Variants in CFAP52 observed in about 807,000 individuals in gnomAD.
CFAP52 encodes the protein cilia and flagella associated protein 52.
CFAP52 carries 57 observed loss-of-function variants against 70.5 expected under a neutral mutation model. The observed-to-expected ratio is 0.81, with a 90% CI of 0.65 to 1.01. The LOEUF (loss-of-function observed/expected upper bound fraction) is 1.01, where lower values mean the gene tolerates loss of function less well. CFAP52 is among the 50% of genes least tolerant of loss of function. The probability of loss-of-function intolerance (pLI) is 0.00; values close to 1 mark genes in which losing one functional copy is unlikely to be tolerated. For synonymous variants in CFAP52, 267 were observed against 292.5 expected, an observed-to-expected ratio of 0.91 and a Z score of 0.89; for missense variants, 785 against 788.5, an observed-to-expected ratio of 1.00 and a Z score of 0.05.
chr17:9,630,452 C>T lies in CFAP52; in HGVS notation c.1174+1632C>T, dbSNP rs1373083801. On this transcript the variant is annotated intron_variant, in intron 9 of 13. Coordinates refer to ENST00000352665, the MANE Select transcript of CFAP52 (RefSeq NM_145054.5). ...TTTTTTTTTTTTTTTTTTTAAGAGA[C>T]GGAGTCTTTTTCTGTCTCCCAGGCT... Among the ~76,000 whole-genome samples, 25 of 140,172 alleles carry T rather than the reference C, an allele frequency of 1.8e-4. 1 individual carries two copies. Among genetic ancestry groups the T allele is most frequent in the African/African-American group, 5.8e-4 (21 of 36,028 alleles). The allele number at this position is 140,172 out of a possible 152,430, so 92.0% of individuals were successfully genotyped here.
At position 9,581,769 on chromosome 17, in the gene CFAP52, A is replaced by C. The variant is rs1323309900; in HGVS notation, c.71-4004A>C. 7.2e-5 allele frequency among the ~76,000 whole-genome samples: 11 copies of C among 152,258 alleles called. No individual in the cohort carries two copies. In the East Asian group the frequency reaches 2.1e-3, roughly 29 times the overall value. ...GCTTTAGTGAGAGCCTAAAAGAGGC[A>C]CATATTTTCTCTCCTAATTCCTTGG... is the stretch of plus-strand genomic sequence containing the variant. On this transcript the variant is annotated intron_variant, in intron 1 of 13. Coordinates refer to ENST00000352665, the MANE Select transcript of CFAP52 (RefSeq NM_145054.5).
chr17:9,622,248 T>C (rs1012087847), intron 8 of CFAP52, among the ~76,000 whole-genome samples: 1 of 152,156 alleles, frequency 6.6e-6, no homozygotes, highest in Non-Finnish European at 1.5e-5. Flanking sequence ...ACAATCTATA[T>C]ACAGAAAATA....
At chr17:9,599,593 C>G (rs1302065134) in intron 5 of CFAP52, among the ~76,000 whole-genome samples, 6 of 152,146 alleles carry the variant, frequency 3.9e-5, no homozygotes, top group Admixed American at 3.9e-4. Flanking sequence ...CCCCTCAGAG[C>G]TGTTCTGACC....
intron 7 of CFAP52, among the ~76,000 whole-genome samples, chr17:9,608,516 A>G (rs1206587668): frequency 1.3e-5 from 2 of 152,228 alleles, no homozygotes; most frequent in African/African-American, 4.8e-5. Context: ...AAGGAACGGG[A>G]TGTTATAAAC....
intron 9 of CFAP52, 42 bp downstream of exon 9, chr17:9,628,862 C>T (rs776935857): frequency 2.8e-5 from 45 of 1,611,452 alleles, no homozygotes; most frequent in East Asian, 4.5e-5. Flanking sequence ...GCTCTAGCTG[C>T]GGTTTTGATT....
chr17:9,592,350 C>A (rs533139007), intron 3 of CFAP52, among the ~76,000 whole-genome samples: 1 of 151,862 alleles, frequency 6.6e-6, no homozygotes. Context: ...GCCCCTGTAA[C>A]CCCAGCTACT....
At chr17:9,596,425 T>C (rs1432444269) in intron 4 of CFAP52, among the ~76,000 whole-genome samples, 1 of 152,034 alleles carries the variant, frequency 6.6e-6, no homozygotes, top group Admixed American at 6.6e-5. Flanking sequence ...ATTTTTAGAT[T>C]AATCTTTTCT....
rs1491383448 is a variant in CFAP52 at position 9,631,015 on chromosome 17, A to AG, written c.1175-1873_1175-1872insG. ...AAAAGAAAGAAAGAAAGAAAGAAAG[A>AG]AAGAAAGAAAGAAAGAGAGAGAGAG... is the stretch of plus-strand genomic sequence containing the variant. On this transcript the variant is annotated intron_variant, in intron 9 of 13. Coordinates refer to ENST00000352665, the MANE Select transcript of CFAP52 (RefSeq NM_145054.5). 1.1e-3 allele frequency among the ~76,000 whole-genome samples: 73 copies of AG among 63,538 alleles called. 1 individual carries two copies. The highest frequency in any genetic ancestry group is 6.3e-3 in the African/African-American group (65 of 10,310). The allele number at this position is 63,538 out of a possible 152,430, so 41.7% of individuals were successfully genotyped here.
At chr17:9,599,614 C>T (rs1260477989) in intron 5 of CFAP52, among the ~76,000 whole-genome samples, 1 of 152,136 alleles carries the variant, frequency 6.6e-6, no homozygotes, top group Admixed American at 6.6e-5. Context: ...CATCTTTGAG[C>T]CTGGGGAAAT....
intron 6 of CFAP52, among the ~76,000 whole-genome samples, chr17:9,601,919 A>G (rs974798402): frequency 6.6e-6 from 1 of 152,222 alleles, no homozygotes; most frequent in African/African-American, 2.4e-5. Flanking sequence ...GATATTCTCA[A>G]GAAACTTTGA....
chr17:9,586,572 A>C, intron 2 of CFAP52, 126 bp from the exon 3 acceptor site: 3 of 982,432 alleles, frequency 3.1e-6, no homozygotes, highest in South Asian at 2.8e-5. Context: ...TCTCAACAAA[A>C]AAAAAAAAAA....
At chr17:9,628,632 G>A (rs368310731) in intron 8 of CFAP52, 40 bp from the exon 9 acceptor site, 1 of 1,596,918 alleles carries the variant, frequency 6.3e-7, no homozygotes. Context: ...CTGGGAAACT[G>A]CATCTTTTAT....
intron 3 of CFAP52, among the ~76,000 whole-genome samples, chr17:9,592,972 T>G (rs1434829296): frequency 6.6e-6 from 1 of 152,218 alleles, no homozygotes; most frequent in African/African-American, 2.4e-5. Context: ...TTTGATGGTA[T>G]CTGTTAATGT....
intron 1 of CFAP52, among the ~76,000 whole-genome samples, chr17:9,579,274 A>G (rs1297276297): frequency 2.0e-5 from 3 of 152,176 alleles, no homozygotes; most frequent in Non-Finnish European, 2.9e-5. Flanking sequence ...GATTTTGACT[A>G]GGAGTCAGCG....
intron 4 of CFAP52, among the ~76,000 whole-genome samples, chr17:9,595,222 TAC>T (rs1454059376): frequency 6.6e-6 from 1 of 152,084 alleles, no homozygotes; most frequent in Non-Finnish European, 1.5e-5. Flanking sequence ...AATCAGAAAA[TAC>T]AGAGTTGAAG....
intron 10 of CFAP52, among the ~76,000 whole-genome samples, chr17:9,634,237 C>A (rs887160923): frequency 1.3e-5 from 2 of 152,158 alleles, no homozygotes; most frequent in Admixed American, 1.3e-4. Flanking sequence ...ATAGGAAGAA[C>A]AGAATAGTTT....
rs371799983 is a variant in CFAP52 at position 9,611,420 on chromosome 17, T to C, written c.855-889T>C. The stretch of plus-strand genomic sequence containing the variant: ...TCCAGGATGGAGGGCAGGGATGAGA[T>C]TGTGACTCACTGCAGCCTCCAACTC... On this transcript the variant is annotated intron_variant, in intron 7 of 13. Coordinates refer to ENST00000352665, the MANE Select transcript of CFAP52 (RefSeq NM_145054.5). 7.2e-4 allele frequency among the ~76,000 whole-genome samples: 110 copies of C among 152,200 alleles called. 1 individual carries two copies. In the East Asian group the frequency reaches 9.7e-3, roughly 13 times the overall value.
intron 5 of CFAP52, among the ~76,000 whole-genome samples, 171 bp from the exon 6 acceptor site, chr17:9,599,896 G>A (rs1035568436): frequency 8.6e-5 from 13 of 151,594 alleles, no homozygotes; most frequent in Non-Finnish European, 1.6e-4. Flanking sequence ...CATGCACCAC[G>A]ACACCCAGCT....
intron 2 of CFAP52, 129 bp from the exon 3 acceptor site, chr17:9,586,569 A>G (rs1908489625): frequency 1.4e-3 from 2 of 1,424 alleles, no homozygotes; most frequent in Non-Finnish European, 0.02. Flanking sequence ...CCGTCTCAAC[A>G]AAAAAAAAAA....
Sources: gnomAD v4.1 joint callset for allele counts (sites outside exome capture counted in the v4.1 genomes callset) on GRCh38, gnomAD v4.1.1 for gene constraint, MANE v1.5 for transcripts, NCBI Gene and HGNC (gene_info 2026-07-23, HGNC 2026-07-21) for gene names.